The following SH3PXD2A variants were observed in gnomAD, a reference collection of about 807,000 sequenced individuals.
SH3PXD2A encodes the protein SH3 and PX domains 2A, also known as SH3 and PX domain-containing protein 2A.
In SH3PXD2A, 32 loss-of-function variants were observed where a neutral mutation model predicts 115.2. That is an observed-to-expected ratio of 0.28 (90% CI 0.21 to 0.37). The LOEUF is 0.37. Ranked by LOEUF, SH3PXD2A falls within the 10% of genes least tolerant of loss-of-function variation. The probability of loss-of-function intolerance (pLI) is 1.00; values close to 1 mark genes in which losing one functional copy is unlikely to be tolerated. For synonymous variants in SH3PXD2A, 610 were observed against 629.1 expected (o/e 0.97, Z 0.45); for missense variants, 1,328 against 1,498.7 (o/e 0.89, Z 1.88).
At chr10:103,613,854 G>T (rs1461461831) in intron 11 of SH3PXD2A, among the ~76,000 whole-genome samples, 9 of 152,236 alleles carry the variant, frequency 5.9e-5, no homozygotes. Context: ...GAATGGGACA[G>T]CTGTGGTGCC....
chr10:103,783,303 A>G (rs1317162995), intron 2 of SH3PXD2A, among the ~76,000 whole-genome samples: 1 of 152,190 alleles, frequency 6.6e-6, no homozygotes, highest in Non-Finnish European at 1.5e-5. Flanking sequence ...ATTCGTGGGA[A>G]GACTGGATTA....
chr10:103,640,151 A>C (rs10748845), intron 8 of SH3PXD2A, among the ~76,000 whole-genome samples: 136,851 of 152,016 alleles, frequency 0.9, 61,862 homozygotes, highest in East Asian at 1. Context: ...CCCGTTTGTA[A>C]TAAAAATACA....
chr10:103,661,477 AGGCCTGGGGCCGACGGGGT>A (rs892843262), intron 7 of SH3PXD2A, among the ~76,000 whole-genome samples: 13 of 152,002 alleles, frequency 8.6e-5, no homozygotes, highest in African/African-American at 2.7e-4. Flanking sequence ...GCCTGCGGGG[AGGCCTGGGGCCGACGGGGT>A]CTCTCCGGCC....
chr10:103,660,287 A>C (rs888864637), intron 8 of SH3PXD2A, among the ~76,000 whole-genome samples: 4 of 152,050 alleles, frequency 2.6e-5, no homozygotes, highest in African/African-American at 9.7e-5. Context: ...TTCACCTGCC[A>C]TGACTCCTGC....
chr10:103,708,558 G>A (rs1171881787), intron 5 of SH3PXD2A, among the ~76,000 whole-genome samples: 1 of 152,236 alleles, frequency 6.6e-6, no homozygotes, highest in African/African-American at 2.4e-5. Flanking sequence ...CCTGCCCCCA[G>A]GGAACAGCCT....
chr10:103,801,448 C>T, intron 1 of SH3PXD2A, 86 bp from the exon 2 acceptor site: 1 of 802,824 alleles, frequency 1.2e-6, no homozygotes, highest in East Asian at 2.5e-5. Flanking sequence ...TGCAGGTGTT[C>T]CATATGGCAG....
In SH3PXD2A at chr10:103,601,599, C is replaced by A. The variant is rs370901916; in HGVS notation, c.*217G>T. ...AGGCCTGGGACTCCCTGGTCCATTCCCTTCCTCACTCAGTGTGGGCACCCC... is the reference window on the plus strand; with the variant it reads ...AGGCCTGGGACTCCCTGGTCCATTCACTTCCTCACTCAGTGTGGGCACCCC... On this transcript the variant is annotated 3_prime_UTR_variant, in exon 15 of 15. Coordinates refer to ENST00000369774, the MANE Select transcript of SH3PXD2A (RefSeq NM_001394015.1). 3.0e-5 allele frequency: 15 copies of A among 506,466 alleles called. No homozygotes were observed. The highest frequency in any genetic ancestry group is 1.1e-4 in the African/African-American group (6 of 52,578). 31.4% of individuals were successfully genotyped at this position (506,466 alleles called of 1,614,324 possible). A position where few individuals can be genotyped will look rare whatever the true frequency, so the allele number is the denominator to read the frequency against.
At chr10:103,661,584 G>T in intron 7 of SH3PXD2A, 1 of 899,042 alleles carries the variant, frequency 1.1e-6, no homozygotes, top group Non-Finnish European at 1.3e-6. Context: ...GAGGCCAGAG[G>T]CAAAGGAAAG....
In SH3PXD2A at chr10:103,597,142, C is replaced by A. The variant is rs1304295419; in HGVS notation, c.*4674G>T. ...GGACTCTCTGGGTGTGGAGCCCAGG[C>A]AGGGCTCACTTCTCAGGCTGAAGTC... On this transcript the variant is annotated 3_prime_UTR_variant, in exon 15 of 15. Transcript: ENST00000369774. The A allele has an allele frequency of 6.6e-6, 1 of 152,646 alleles. No homozygotes were observed. The highest frequency in any genetic ancestry group is 2.4e-5 in the African/African-American group (1 of 41,444). 9.5% of individuals were successfully genotyped at this position (152,646 alleles called of 1,614,324 possible).
chr10:103,699,630 C>T (rs1312134161), intron 5 of SH3PXD2A, among the ~76,000 whole-genome samples: 1 of 152,278 alleles, frequency 6.6e-6, no homozygotes, highest in East Asian at 1.9e-4. Flanking sequence ...CACCCCTTAG[C>T]CCCTAGCTGG....
chr10:103,670,446 C>A (rs1318940951), intron 6 of SH3PXD2A, among the ~76,000 whole-genome samples: 2 of 152,234 alleles, frequency 1.3e-5, no homozygotes, highest in East Asian at 3.8e-4. Context: ...TTAGCCGCCA[C>A]TGGCAGTAAC....
At position 103,756,821 on chromosome 10, in the gene SH3PXD2A, C is replaced by T. The variant is rs11191795; in HGVS notation, c.229+10273G>A. 0.29 allele frequency among the ~76,000 whole-genome samples: 44,036 copies of T among 152,004 alleles called. 6,510 individuals carry two copies. Among genetic ancestry groups the T allele is most frequent in the Middle Eastern group, 0.33 (97 of 294 alleles). ...TCAGTCTACTTCCCTCCACCCAGGG[C>T]CCAGCCTAGGCCAAGTCACCTTTGC... On this transcript the variant is annotated intron_variant, in intron 3 of 14. Coordinates refer to ENST00000369774, the MANE Select transcript of SH3PXD2A (RefSeq NM_001394015.1). The surrounding 1 kb of genome is among the most constrained non-coding windows in gnomAD (Gnocchi z 4.4).
chr10:103,832,572 CA>C (rs1345278928), intron 1 of SH3PXD2A, among the ~76,000 whole-genome samples: 1 of 152,090 alleles, frequency 6.6e-6, no homozygotes, highest in Non-Finnish European at 1.5e-5. Flanking sequence ...ACTATGCAGC[CA>C]TAAAAAAGGA....
At chr10:103,755,360 G>A (rs967985673) in intron 3 of SH3PXD2A, 4 of 152,214 alleles carry the variant, frequency 2.6e-5, no homozygotes, top group Non-Finnish European at 5.9e-5. Context: ...GATTATGATG[G>A]AGCTTCAGAA....
rs2036623228 is a variant in SH3PXD2A, at chr10:103,622,553, A to G, written c.719T>C (p.Val240Ala). ...CAGATGGGCCTTGCGTCTCTTGGAC[A>G]CTGGTGTGGGAGATGGCGATGGAGC... ...SDINTSKTGEVSKRRKAHLRR... is the reference protein window; with the variant it reads ...SDINTSKTGEASKRRKAHLRR... The change falls in exon 10 of 15, where the codon GTG (valine) becomes GCG (alanine). Residue 240 changes from valine (V) to alanine (A), a missense_variant and splice_region_variant. By Grantham distance (64) the Val-to-Ala change is moderately conservative. Around this residue, in one of 5 missense-constraint regions of SH3PXD2A, gnomAD observed 509 missense variants for 628.3 expected, o/e 0.81. Coordinates refer to ENST00000369774, the MANE Select transcript of SH3PXD2A (RefSeq NM_001394015.1). The G allele has an allele frequency of 6.5e-7, 1 of 1,549,084 alleles. No individual in the cohort carries two copies. The highest frequency in any genetic ancestry group is 8.7e-7 in the Non-Finnish European group (1 of 1,145,820).
intron 3 of SH3PXD2A, among the ~76,000 whole-genome samples, chr10:103,749,131 T>C (rs1203486659): frequency 1.4e-5 from 2 of 141,568 alleles, no homozygotes; most frequent in East Asian, 4.1e-4. Context: ...CCTCAGGTGA[T>C]CCACCCGCCT....
Position 103,738,001 on chromosome 10 carries a change from T to C in SH3PXD2A, c.230-2193A>G, listed in dbSNP as rs538178647. 2.6e-5 allele frequency among the ~76,000 whole-genome samples: 4 copies of C among 152,298 alleles called. No homozygotes were observed. In the South Asian group the frequency reaches 6.2e-4, roughly 24 times the overall value. On this transcript the variant is annotated intron_variant, in intron 3 of 14. Coordinates refer to ENST00000369774, the MANE Select transcript of SH3PXD2A (RefSeq NM_001394015.1). ...CCCTCCTGTCTGCCCCCACACTACA[T>C]GGAGCACTAGGCTTTGCATTCAGCA...
At chr10:103,726,012 C>T (rs941108763) in intron 4 of SH3PXD2A, among the ~76,000 whole-genome samples, 6 of 152,036 alleles carry the variant, frequency 3.9e-5, no homozygotes, top group Admixed American at 2.0e-4. Context: ...GTTTTCTGGG[C>T]CCCTCAATTT....
chr10:103,804,581 C>G (rs1334038564), intron 1 of SH3PXD2A, among the ~76,000 whole-genome samples: 2 of 151,968 alleles, frequency 1.3e-5, no homozygotes, highest in Non-Finnish European at 2.9e-5. Flanking sequence ...CTCAGCCTCC[C>G]AAAGTCCTGG....
Sources: allele counts gnomAD v4.1 joint callset (sites outside exome capture counted in the v4.1 genomes callset), GRCh38; gene constraint gnomAD v4.1.1; regional missense constraint gnomAD v4.1.1; non-coding constraint Gnocchi (gnomAD v3.1); transcripts MANE v1.5; gene names NCBI Gene and HGNC (gene_info 2026-07-23, HGNC 2026-07-21).